Variants in MTMR12 observed in about 807,000 individuals in gnomAD.
MTMR12 encodes myotubularin-related protein 12.
A neutral mutation model predicts 96.7 loss-of-function variants in MTMR12; 33 were observed. The observed-to-expected ratio is 0.34, with a 90% CI of 0.26 to 0.46. The LOEUF (loss-of-function observed/expected upper bound fraction) is 0.46, where lower values mean the gene tolerates loss of function less well. MTMR12 is among the 20% of genes least tolerant of loss of function. The pLI, the probability that MTMR12 is intolerant of heterozygous loss-of-function variation, is 1.00. For missense variants in MTMR12, 721 were observed against 896.1 expected, an observed-to-expected ratio of 0.80 and a Z score of 2.49; for synonymous variants, 298 against 327.2, an observed-to-expected ratio of 0.91 and a Z score of 0.96.
intron 1 of MTMR12, among the ~76,000 whole-genome samples, chr5:32,290,362 G>C (rs569660344): frequency 6.6e-6 from 1 of 152,250 alleles, no homozygotes; most frequent in Admixed American, 6.5e-5. Context: ...TTATTGGTGA[G>C]ACATTTTCAT....
intron 1 of MTMR12, among the ~76,000 whole-genome samples, chr5:32,290,338 C>A (rs1750694437): frequency 6.6e-6 from 1 of 152,220 alleles, no homozygotes; most frequent in South Asian, 2.1e-4. Context: ...CAAGAAGTAA[C>A]AAACACAATG....
At chr5:32,299,232 G>C (rs935457203) in intron 1 of MTMR12, among the ~76,000 whole-genome samples, 3 of 152,218 alleles carry the variant, frequency 2.0e-5, no homozygotes, top group African/African-American at 4.8e-5. Flanking sequence ...GCAACCTTAC[G>C]GGCTTTTATT....
At chr5:32,278,279 C>T (rs1750137319) in intron 1 of MTMR12, among the ~76,000 whole-genome samples, 1 of 152,090 alleles carries the variant, frequency 6.6e-6, no homozygotes, top group South Asian at 2.1e-4. Context: ...AACACTGGGA[C>T]AGAGAAACAT....
chr5:32,304,092 C>T (rs1343121109), intron 1 of MTMR12, among the ~76,000 whole-genome samples: 4 of 152,200 alleles, frequency 2.6e-5, no homozygotes, highest in East Asian at 3.9e-4. Flanking sequence ...GGAGCCGAGG[C>T]GGGCGGATCA....
intron 12 of MTMR12, among the ~76,000 whole-genome samples, chr5:32,239,444 A>G (rs1421922968): frequency 2.0e-5 from 3 of 152,218 alleles, no homozygotes; most frequent in African/African-American, 7.2e-5. Context: ...TAAATGCAGC[A>G]CTGCAAAGCT....
intron 7 of MTMR12, 127 bp from the exon 8 acceptor site, chr5:32,255,895 A>G: frequency 1.3e-6 from 1 of 783,506 alleles, no homozygotes. Flanking sequence ...TTCCCTGTTC[A>G]GAACCAGCTC....
At chr5:32,280,959 A>C (rs1471025079) in intron 1 of MTMR12, among the ~76,000 whole-genome samples, 1 of 151,840 alleles carries the variant, frequency 6.6e-6, no homozygotes, top group Non-Finnish European at 1.5e-5. Flanking sequence ...TTATTCAAGA[A>C]TCTCTCGGCA....
At chr5:32,270,213 A>T (rs567953031) in intron 5 of MTMR12, among the ~76,000 whole-genome samples, 1 of 152,228 alleles carries the variant, frequency 6.6e-6, no homozygotes, top group African/African-American at 2.4e-5. Context: ...TCAAAAAAAA[A>T]AGAAAAAAAA....
Position 32,271,854 on chromosome 5 carries a change from AGT to A in MTMR12, c.335_336del (p.His112LeufsTer3). 6.3e-7 allele frequency: 1 copy of A among 1,587,164 alleles called. No homozygotes were observed. The highest frequency in any genetic ancestry group is 8.6e-7 in the Non-Finnish European group (1 of 1,162,368). On this transcript the variant is annotated frameshift_variant, in exon 4 of 16. Transcript: ENST00000382142. LOFTEE classifies it high-confidence loss of function. The part of the protein sequence containing the change: ...KVIGENDITL[H>X]CVDQIYGVFD... Reference sequence around the variant, plus strand: ...TTACCTCCATAAATCTGATCAACACAGTGGAGTGTAATGTCATTTTCTCCTAT... The same window carrying A: ...TTACCTCCATAAATCTGATCAACACAGGAGTGTAATGTCATTTTCTCCTAT...
chr5:32,262,251 C>G (rs1477854089), intron 7 of MTMR12, among the ~76,000 whole-genome samples: 1 of 151,312 alleles, frequency 6.6e-6, no homozygotes, highest in Non-Finnish European at 1.5e-5. Context: ...GGTAATATAC[C>G]CAAGAAAAAT....
rs751691326 is a variant in MTMR12, at chr5:32,233,725, C to T, written c.1674+48G>A. 17 of 1,611,880 alleles carry T rather than the reference C, an allele frequency of 1.1e-5. No homozygotes were observed. In the South Asian group the frequency reaches 1.2e-4, roughly 11 times the overall value. ...CGTAAGTACCTTTTATCATTACATG[C>T]ACGGGGTCTGGGCAGCTGAAGGGGG... is the stretch of plus-strand genomic sequence containing the variant. On this transcript the variant is annotated intron_variant, in intron 15 of 15. Coordinates refer to ENST00000382142, the MANE Select transcript of MTMR12 (RefSeq NM_001040446.3). This position sits in a 1 kb window ranked among gnomAD's most constrained non-coding sequence, Gnocchi z 5.0.
intron 1 of MTMR12, among the ~76,000 whole-genome samples, chr5:32,310,197 T>C (rs563016554): frequency 6.6e-6 from 1 of 152,222 alleles, no homozygotes; most frequent in South Asian, 2.1e-4. Flanking sequence ...GCACCTGTAG[T>C]CCCAGCTACT....
intron 1 of MTMR12, among the ~76,000 whole-genome samples, chr5:32,283,690 C>A (rs1487302318): frequency 6.6e-6 from 1 of 152,158 alleles, no homozygotes; most frequent in African/African-American, 2.4e-5. Context: ...CAGGTAAAAG[C>A]GAGCAACACA....
At chr5:32,260,464 T>G (rs1425521434) in intron 7 of MTMR12, among the ~76,000 whole-genome samples, 2 of 151,828 alleles carry the variant, frequency 1.3e-5, no homozygotes, top group African/African-American at 2.4e-5. Context: ...AAATGCCAAC[T>G]GATTAGTATG....
intron 5 of MTMR12, 50 bp from the exon 6 acceptor site, chr5:32,268,844 A>G: frequency 6.9e-7 from 1 of 1,449,944 alleles, no homozygotes; most frequent in East Asian, 2.3e-5. Flanking sequence ...ACAGATAAAC[A>G]CTAACAAAGA....
intron 10 of MTMR12, among the ~76,000 whole-genome samples, chr5:32,245,460 T>G (rs2112013162): frequency 6.6e-6 from 1 of 152,320 alleles, no homozygotes; most frequent in Middle Eastern, 3.4e-3. Flanking sequence ...ATAGGAGGAA[T>G]GAGCAGTAGA....
intron 8 of MTMR12, among the ~76,000 whole-genome samples, chr5:32,253,953 T>C (rs1290007925): frequency 3.3e-5 from 5 of 152,222 alleles, no homozygotes; most frequent in Admixed American, 6.5e-5. Flanking sequence ...AAGTAATGCC[T>C]CAGGCTCCTC....
At chr5:32,291,805 T>C (rs1015889113) in intron 1 of MTMR12, among the ~76,000 whole-genome samples, 8 of 152,174 alleles carry the variant, frequency 5.3e-5, no homozygotes, top group African/African-American at 9.6e-5. Context: ...GAGCCCTCGA[T>C]ATGGCACCAT....
chr5:32,301,198 G>A (rs1751128933), intron 1 of MTMR12, among the ~76,000 whole-genome samples: 1 of 152,106 alleles, frequency 6.6e-6, no homozygotes, highest in Admixed American at 6.6e-5. Flanking sequence ...AAAAAAGAGG[G>A]GCCAAGAGAA....
Sources: allele counts gnomAD v4.1 joint callset (sites outside exome capture counted in the v4.1 genomes callset), GRCh38; gene constraint gnomAD v4.1.1; non-coding constraint Gnocchi (gnomAD v3.1); transcripts MANE v1.5; gene names NCBI Gene and HGNC (gene_info 2026-07-23, HGNC 2026-07-21).